Variants in SPAG4 observed in about 807,000 individuals in gnomAD.
The protein encoded by SPAG4 is sperm associated antigen 4.
In SPAG4, 54 loss-of-function variants were observed where a neutral mutation model predicts 53.9. The observed-to-expected ratio is 1.00, with a 90% confidence interval of 0.80 to 1.26. SPAG4 has a LOEUF of 1.26. SPAG4 is among the 50% of genes most tolerant of loss of function. The pLI, the probability that SPAG4 is intolerant of heterozygous loss-of-function variation, is 0.00. For missense variants in SPAG4, 548 were observed against 568.6 expected (o/e 0.96, Z 0.37); for synonymous variants, 246 against 237.4 (o/e 1.04, Z -0.33).
intron 9 of SPAG4, 36 bp downstream of exon 9, chr20:35,619,346 C>T: frequency 6.3e-7 from 1 of 1,576,340 alleles, no homozygotes; most frequent in South Asian, 1.1e-5. Flanking sequence ...GGACCCCGGG[C>T]GGGACGCTGG....
Position 35,620,947 on chromosome 20 carries a change from G to A in SPAG4, c.1239G>A (p.Thr413=), listed in dbSNP as rs34962502. 4,090 of 1,614,206 alleles carry A rather than the reference G, an allele frequency of 2.5e-3. 78 individuals are homozygous for A. In the African/African-American group the frequency reaches 0.043, roughly 17 times the overall value. Reference sequence around the variant, plus strand: ...GCAACTGGGGCCACCCCCGTTTCACGTGCTTGTATCGAGTCCGTGCCCACG... The same window carrying A: ...GCAACTGGGGCCACCCCCGTTTCACATGCTTGTATCGAGTCCGTGCCCACG... The part of the protein sequence containing the change: ...ILSNWGHPRF[T]CLYRVRAHGV... The change falls in exon 12 of 12, where the codon ACG becomes ACA. Residue 413 remains threonine, a synonymous_variant. Transcript: ENST00000374273.
At chr20:35,618,216 T>A in intron 5 of SPAG4, 86 bp downstream of exon 5, 1 of 1,365,296 alleles carries the variant, frequency 7.3e-7, no homozygotes, top group South Asian at 1.2e-5. Flanking sequence ...GTCGGTCTGC[T>A]GGGGTGGGGG....
chr20:35,619,522 G>A (rs1308932874), intron 9 of SPAG4, 57 bp from the exon 10 acceptor site: 11 of 1,586,026 alleles, frequency 6.9e-6, no homozygotes, highest in Non-Finnish European at 8.6e-6. Context: ...CCCGGGCTGG[G>A]GAGCGGCAGC....
In SPAG4 at chr20:35,619,610, T is replaced by C; in HGVS notation, c.941T>C (p.Phe314Ser). The C allele has an allele frequency of 6.2e-7, 1 of 1,613,982 alleles. No individual in the cohort carries two copies. Among genetic ancestry groups the C allele is most frequent in the Non-Finnish European group, 8.5e-7 (1 of 1,179,948 alleles). ...PHVFPGNCWA[F>S]EGDQGQVVIQ... is the part of the protein sequence containing the mutation. Reference sequence around the variant, plus strand: ...GTGTTCCCTGGGAATTGCTGGGCTTTTGAAGGCGACCAAGGCCAGGTGGTG... The same window carrying C: ...GTGTTCCCTGGGAATTGCTGGGCTTCTGAAGGCGACCAAGGCCAGGTGGTG... The change falls in exon 10 of 12, where the codon TTT (phenylalanine) becomes TCT (serine). Residue 314 changes from phenylalanine to serine, a missense_variant. Coordinates refer to ENST00000374273, the MANE Select transcript of SPAG4 (RefSeq NM_003116.3).
In SPAG4 at chr20:35,618,080, T is replaced by C; in HGVS notation, c.539-7T>C. 2.5e-6 allele frequency: 4 copies of C among 1,613,364 alleles called. No individual in the cohort carries two copies. Among genetic ancestry groups the C allele is most frequent in the Non-Finnish European group, 3.4e-6 (4 of 1,179,640 alleles). ...TCCTTCTGAGACCCCTCCCTCTCTT[T>C]CTCCAGCATTCTGGCTGGGGCTTCT... On this transcript the variant is annotated splice_region_variant and splice_polypyrimidine_tract_variant and intron_variant, in intron 4 of 11. Transcript: ENST00000374273.
intron 10 of SPAG4, 63 bp from the exon 11 acceptor site, chr20:35,620,621 T>TGC: frequency 3.9e-6 from 2 of 510,084 alleles, no homozygotes; most frequent in South Asian, 1.6e-5. Context: ...AGTTTTCTTC[T>TGC]CCCCGCCCCC....
intron 7 of SPAG4, 96 bp from the exon 8 acceptor site, chr20:35,618,827 G>T: frequency 6.9e-7 from 1 of 1,451,774 alleles, no homozygotes; most frequent in East Asian, 2.3e-5. Flanking sequence ...TGCCCACGAA[G>T]TCCATCCCAA....
chr20:35,619,105 AGCCCCCACCC>A, intron 8 of SPAG4, 80 bp from the exon 9 acceptor site: 1 of 1,269,626 alleles, frequency 7.9e-7, no homozygotes, highest in Non-Finnish European at 1.1e-6. Context: ...AGCCTCGGAC[AGCCCCCACCC>A]GCCCCCAGCC....
At chr20:35,619,141 CCCGACT>C (rs1292832506) in intron 8 of SPAG4, 48 bp from the exon 9 acceptor site, 24 of 1,163,068 alleles carry the variant, frequency 2.1e-5, no homozygotes, top group Middle Eastern at 2.5e-4. Flanking sequence ...GCCCCCGCGC[CCCGACT>C]CCCGGCAAGG....
Position 35,620,881 on chromosome 20 carries a change from C to T in SPAG4, c.1173C>T (p.Asp391=). Residue 391 remains aspartate (D), a synonymous_variant, in exon 12 of 12, where the codon GAC becomes GAT. Coordinates refer to ENST00000374273, the MANE Select transcript of SPAG4 (RefSeq NM_003116.3). The stretch of plus-strand genomic sequence containing the variant: ...TGATCCATTTGTCTCCCCAGAATGA[C>T]CCCCCAGCTGCCTTTCCCAAGGTGA... ...SEIQTFHLQN[D]PPAAFPKVKI... 6.2e-7 allele frequency: 1 copy of T among 1,613,974 alleles called. No homozygotes were observed. Among genetic ancestry groups the T allele is most frequent in the Non-Finnish European group, 8.5e-7 (1 of 1,179,860 alleles).
chr20:35,617,664 C>G (rs1188862317), intron 3 of SPAG4, 78 bp downstream of exon 3: 3 of 1,579,950 alleles, frequency 1.9e-6, no homozygotes, highest in East Asian at 4.5e-5. Flanking sequence ...CTTGCTGGCG[C>G]TTGAGCCGAT....
In SPAG4 at chr20:35,620,898, C is replaced by T; in HGVS notation, c.1190C>T (p.Pro397Leu). Reference protein sequence around the residue: ...HLQNDPPAAFPKVKIQILSNW... With the variant: ...HLQNDPPAAFLKVKIQILSNW... ...CAGAATGACCCCCCAGCTGCCTTTC[C>T]CAAGGTGAAGATCCAGATTCTAAGC... Residue 397 changes from proline to leucine, a missense_variant, in exon 12 of 12, where the codon CCC (proline) becomes CTC (leucine). Physicochemically the swap from Pro to Leu is moderately conservative, Grantham distance 98. Coordinates refer to ENST00000374273, the MANE Select transcript of SPAG4 (RefSeq NM_003116.3). 6.2e-7 allele frequency: 1 copy of T among 1,614,186 alleles called. No individual in the cohort carries two copies. Among genetic ancestry groups the T allele is most frequent in the South Asian group, 1.1e-5 (1 of 91,084 alleles).
At chr20:35,619,389 G>A (rs1373807831) in intron 9 of SPAG4, 79 bp downstream of exon 9, 9 of 1,457,184 alleles carry the variant, frequency 6.2e-6, no homozygotes, top group Non-Finnish European at 7.7e-6. Flanking sequence ...TACAGGCGGA[G>A]CTTGGCTGAG....
In SPAG4 at chr20:35,618,696, C is replaced by T; in HGVS notation, c.693C>T (p.Ser231=). Residue 231 remains serine, a synonymous_variant, in exon 7 of 12, where the codon TCC becomes TCT. Coordinates refer to ENST00000374273, the MANE Select transcript of SPAG4 (RefSeq NM_003116.3). ...AELDKLHKEV[S]TVRAANSERV... is the part of the protein sequence containing the mutation. ...TGGATAAACTCCACAAGGAGGTGTC[C>T]ACTGTTCGGGCAGCCAACAGCGAGG... The T allele has an allele frequency of 6.3e-7, 1 of 1,588,772 alleles. No homozygotes were observed. Among genetic ancestry groups the T allele is most frequent in the Non-Finnish European group, 8.6e-7 (1 of 1,167,186 alleles).
In SPAG4 at chr20:35,616,149, G is replaced by A; in HGVS notation, c.146G>A (p.Gly49Asp). 6.2e-7 allele frequency: 1 copy of A among 1,603,228 alleles called. No individual in the cohort carries two copies. Among genetic ancestry groups the A allele is most frequent in the Non-Finnish European group, 8.5e-7 (1 of 1,175,738 alleles). ...SAEPGPGEPE[G>D]RRARGPSCGE... ...GAGCCCGGGCCTGGGGAGCCCGAGGGCAGAAGAGCCCGGGGCCCGAGCTGC... is the reference window on the plus strand; with the variant it reads ...GAGCCCGGGCCTGGGGAGCCCGAGGACAGAAGAGCCCGGGGCCCGAGCTGC... The change falls in exon 1 of 12, where the codon GGC becomes GAC. Residue 49 changes from glycine to aspartate, a missense_variant. Coordinates refer to ENST00000374273, the MANE Select transcript of SPAG4 (RefSeq NM_003116.3).
chr20:35,619,124 C>A, intron 8 of SPAG4, 71 bp from the exon 9 acceptor site: 1 of 1,031,940 alleles, frequency 9.7e-7, no homozygotes, highest in African/African-American at 1.8e-5. Flanking sequence ...CCGCCCCCAG[C>A]CCCCGCGCCC....
chr20:35,616,541 C>G, intron 1 of SPAG4: 1 of 259,300 alleles, frequency 3.9e-6, no homozygotes, highest in Non-Finnish European at 6.0e-6. Flanking sequence ...GGGGCGCGGC[C>G]TCAATGTTAG....
At chr20:35,616,365 TGCTGGGCGGGGACGGG>T (rs1447244173) in intron 1 of SPAG4, 58 bp downstream of exon 1, 11 of 1,428,512 alleles carry the variant, frequency 7.7e-6, no homozygotes, top group Non-Finnish European at 9.1e-6. Flanking sequence ...TAAAGGGCGG[TGCTGGGCGGGGACGGG>T]GCTAAGATGA....
chr20:35,616,381 G>C (rs1389063944), intron 1 of SPAG4, 74 bp downstream of exon 1: 1 of 1,423,712 alleles, frequency 7.0e-7, no homozygotes. Flanking sequence ...GCGGGGACGG[G>C]GCTAAGATGA....
Sources: allele counts gnomAD v4.1 joint callset, GRCh38; gene constraint gnomAD v4.1.1; transcripts MANE v1.5; gene names NCBI Gene and HGNC (gene_info 2026-07-23, HGNC 2026-07-21).